The following DCC variants were observed in gnomAD, a reference collection of about 807,000 sequenced individuals.
The protein encoded by DCC is DCC netrin 1 receptor.
Under a neutral mutation model 172.5 loss-of-function variants are expected in DCC, and 58 were observed. The ratio of observed to expected loss-of-function variants is 0.34; its 90% CI spans 0.27 to 0.42. The LOEUF (loss-of-function observed/expected upper bound fraction) is 0.42, where lower values mean the gene tolerates loss of function less well. Ranked by LOEUF, DCC falls within the 10% of genes least tolerant of loss-of-function variation. The pLI, the probability that DCC is intolerant of heterozygous loss-of-function variation, is 1.00. For missense variants in DCC, 1,740 were observed against 1,791.0 expected (o/e 0.97, Z 0.51); for synonymous variants, 709 against 644.5 (o/e 1.10, Z -1.52).
chr18:52,802,756 T>A (rs574639818), intron 2 of DCC, among the ~76,000 whole-genome samples: 37 of 138,066 alleles, frequency 2.7e-4, no homozygotes, highest in Admixed American at 4.7e-4. Context: ...TCCTCTAGCC[T>A]CAGCCTCCCA....
intron 1 of DCC, among the ~76,000 whole-genome samples, chr18:52,498,665 T>C (rs2030896791): frequency 6.6e-6 from 1 of 151,824 alleles, no homozygotes; most frequent in Non-Finnish European, 1.5e-5. Flanking sequence ...AAATAATGAA[T>C]ATATATTTTT....
At chr18:52,891,734 T>C (rs773320615) in intron 2 of DCC, among the ~76,000 whole-genome samples, 3 of 152,264 alleles carry the variant, frequency 2.0e-5, no homozygotes, top group Non-Finnish European at 2.9e-5. Flanking sequence ...CATAAACATA[T>C]TCAACATTCA....
chr18:53,439,889 C>T (rs927226633), intron 22 of DCC, among the ~76,000 whole-genome samples: 2 of 149,100 alleles, frequency 1.3e-5, no homozygotes, highest in African/African-American at 4.9e-5. Flanking sequence ...CTCAGCCTCC[C>T]AAGTAGCTGG....
intron 6 of DCC, among the ~76,000 whole-genome samples, chr18:53,065,207 C>G (rs2042548788): frequency 1.3e-5 from 2 of 152,226 alleles, no homozygotes; most frequent in Non-Finnish European, 2.9e-5. Flanking sequence ...GATTACAAGA[C>G]ACTAAAAACA....
chr18:53,187,802 G>T (rs2144503800), intron 9 of DCC, among the ~76,000 whole-genome samples: 1 of 152,306 alleles, frequency 6.6e-6, no homozygotes, highest in East Asian at 1.9e-4. Flanking sequence ...ATGCAATGAG[G>T]AGTTGAGTTG....
At chr18:53,448,794 C>T (rs909004526) in intron 22 of DCC, among the ~76,000 whole-genome samples, 3 of 152,072 alleles carry the variant, frequency 2.0e-5, no homozygotes, top group African/African-American at 4.8e-5. Context: ...CAGAGGTTGT[C>T]GTGAGCCGAG....
intron 7 of DCC, among the ~76,000 whole-genome samples, chr18:53,123,011 A>G (rs2043504153): frequency 6.6e-6 from 1 of 151,992 alleles, no homozygotes; most frequent in African/African-American, 2.4e-5. Context: ...TTTAACTCCT[A>G]TGCTGGACAC....
intron 2 of DCC, among the ~76,000 whole-genome samples, chr18:52,861,105 C>T (rs541861543): frequency 3.5e-4 from 53 of 152,054 alleles, no homozygotes; most frequent in Non-Finnish European, 3.8e-4. Context: ...TCTATAAAGC[C>T]AAGCTAAGTA....
At chr18:52,363,863 A>G (rs1187907834) in intron 1 of DCC, among the ~76,000 whole-genome samples, 1 of 152,054 alleles carries the variant, frequency 6.6e-6, no homozygotes, top group Non-Finnish European at 1.5e-5. Flanking sequence ...AGATATCAAC[A>G]TTGGCTTTTT....
At chr18:53,412,207 G>A (rs1332146390) in intron 20 of DCC, among the ~76,000 whole-genome samples, 1 of 152,124 alleles carries the variant, frequency 6.6e-6, no homozygotes, top group African/African-American at 2.4e-5. Flanking sequence ...ATGGTTCAAA[G>A]AGTTATTTCT....
chr18:52,557,682 A>C (rs1183051689), intron 1 of DCC, among the ~76,000 whole-genome samples: 5 of 152,136 alleles, frequency 3.3e-5, no homozygotes, highest in Non-Finnish European at 7.3e-5. Context: ...TAATTCTTCT[A>C]CCTAATTTAC....
intron 7 of DCC, among the ~76,000 whole-genome samples, chr18:53,096,947 A>C (rs942853752): frequency 6.6e-6 from 1 of 152,206 alleles, no homozygotes; most frequent in Non-Finnish European, 1.5e-5. Context: ...TTACAAAGCT[A>C]GATAATGTAG....
chr18:52,866,105 G>T (rs1284678476), intron 2 of DCC, among the ~76,000 whole-genome samples: 1 of 152,104 alleles, frequency 6.6e-6, no homozygotes, highest in Non-Finnish European at 1.5e-5. Flanking sequence ...TCAGTTTTCT[G>T]CATATGGCTA....
chr18:53,229,558 G>A (rs2056090375), intron 12 of DCC, among the ~76,000 whole-genome samples: 1 of 151,998 alleles, frequency 6.6e-6, no homozygotes, highest in African/African-American at 2.4e-5. Context: ...TCTGTTTTCA[G>A]TGACATTATG....
chr18:52,670,948 A>G (rs1183003704), intron 1 of DCC, among the ~76,000 whole-genome samples: 1 of 152,228 alleles, frequency 6.6e-6, no homozygotes, highest in Non-Finnish European at 1.5e-5. Context: ...TATGTAAAAT[A>G]CTGTCCTTAT....
At chr18:52,731,422 G>A (rs8098260) in intron 1 of DCC, among the ~76,000 whole-genome samples, 66,150 of 152,124 alleles carry the variant, frequency 0.43, 15,459 homozygotes, top group East Asian at 0.76. Context: ...TTCAGAGGTG[G>A]TGTAGTTAAT....
intron 13 of DCC, among the ~76,000 whole-genome samples, chr18:53,318,760 T>G (rs1327040923): frequency 1.3e-5 from 2 of 151,352 alleles, no homozygotes; most frequent in African/African-American, 2.4e-5. Flanking sequence ...GGGTTTTTTT[T>G]TTTTTTTTTT....
At chr18:52,408,509 G>A (rs929368664) in intron 1 of DCC, among the ~76,000 whole-genome samples, 3 of 151,986 alleles carry the variant, frequency 2.0e-5, no homozygotes, top group African/African-American at 7.2e-5. Context: ...AATTCCTGAT[G>A]TGGACCATAA....
intron 2 of DCC, among the ~76,000 whole-genome samples, chr18:52,815,311 A>G (rs1358446281): frequency 6.6e-6 from 1 of 152,084 alleles, no homozygotes; most frequent in Non-Finnish European, 1.5e-5. Context: ...TAAATGTTAC[A>G]TGAGGTCATA....
Sources: allele counts gnomAD v4.1 joint callset (sites outside exome capture counted in the v4.1 genomes callset), GRCh38; gene constraint gnomAD v4.1.1; transcripts MANE v1.5; gene names NCBI Gene and HGNC (gene_info 2026-07-23, HGNC 2026-07-21).